ANKS1A: variants seen among roughly 807,000 people sequenced by gnomAD.
ANKS1A encodes the protein ankyrin repeat and SAM domain-containing protein 1A.
A neutral mutation model predicts 120.3 loss-of-function variants in ANKS1A; 55 were observed. The observed-to-expected ratio is 0.46, with a 90% CI of 0.37 to 0.57. ANKS1A has a LOEUF of 0.57. Among genes scored for constraint, ANKS1A ranks in the 20% least tolerant of loss-of-function variants. The probability of loss-of-function intolerance (pLI) is 0.00; values close to 1 mark genes in which losing one functional copy is unlikely to be tolerated. For missense variants in ANKS1A, 1,123 were observed against 1,480.3 expected, an observed-to-expected ratio of 0.76 and a Z score of 3.96; for synonymous variants, 590 against 604.7, an observed-to-expected ratio of 0.98 and a Z score of 0.36.
At chr6:35,080,916 C>A in intron 16 of ANKS1A, 78 bp from the exon 17 acceptor site, 1 of 1,542,394 alleles carries the variant, frequency 6.5e-7, no homozygotes, top group South Asian at 1.2e-5. Context: ...GCCGTCCTAA[C>A]CAGTGGGGCT....
At chr6:35,073,195 G>A (rs1264115191) in intron 13 of ANKS1A, among the ~76,000 whole-genome samples, 8 of 152,188 alleles carry the variant, frequency 5.3e-5, no homozygotes, top group Non-Finnish European at 1.2e-4. Flanking sequence ...CAGGCCACAC[G>A]TCACACGTCA....
intron 1 of ANKS1A, among the ~76,000 whole-genome samples, chr6:34,945,201 G>A (rs941648046): frequency 1.3e-5 from 2 of 151,918 alleles, no homozygotes; most frequent in African/African-American, 2.4e-5. Context: ...TCAGCCTCCC[G>A]AGTAGCTGGG....
chr6:34,938,760 C>T (rs2127480848), intron 1 of ANKS1A, among the ~76,000 whole-genome samples: 1 of 152,250 alleles, frequency 6.6e-6, no homozygotes, highest in East Asian at 1.9e-4. Flanking sequence ...GAGGCCAAGG[C>T]AGGTGGATCA....
In ANKS1A at chr6:35,084,146, G is replaced by A. The variant is rs369787709; in HGVS notation, c.3020G>A (p.Arg1007Gln). ...NKNVIAEHEI[R>Q]NISCAAQDPE... ...AACGTCATTGCAGAGCACGAGATCCGGAACATTTCCTGTGCGGCCCAGGAC... is the reference window on the plus strand; with the variant it reads ...AACGTCATTGCAGAGCACGAGATCCAGAACATTTCCTGTGCGGCCCAGGAC... Residue 1007 changes from arginine (R) to glutamine (Q), a missense_variant, in exon 21 of 24, where the codon CGG becomes CAG. Arg to Gln is a conservative substitution (Grantham distance 43). Around this residue, in one of 3 missense-constraint regions of ANKS1A, gnomAD observed 904 missense variants for 1,130.4 expected, o/e 0.80. Transcript: ENST00000360359. This position sits in a 1 kb window ranked among gnomAD's most constrained non-coding sequence, Gnocchi z 4.8. 8.6e-5 allele frequency: 139 copies of A among 1,614,166 alleles called. No individual in the cohort carries two copies. The highest frequency in any genetic ancestry group is 1.0e-4 in the Non-Finnish European group (118 of 1,180,020).
Position 34,969,924 on chromosome 6 carries a change from G to A in ANKS1A, c.279-86G>A, listed in dbSNP as rs1561879102. 7 of 1,474,918 alleles carry A rather than the reference G, an allele frequency of 4.7e-6. No homozygotes were observed. The East Asian group carries it at 1.6e-4, about 34-fold the overall frequency. 91.4% of individuals were successfully genotyped at this position (1,474,918 alleles called of 1,614,324 possible). A position where few individuals can be genotyped will look rare whatever the true frequency, so the allele number is the denominator to read the frequency against. ...GGAGCCAAATGAGATATCTGTGAAA[G>A]GGCTTTGTGCCATATAGGTGTAAAG... On this transcript the variant is annotated intron_variant, in intron 2 of 23. Transcript: ENST00000360359.
At chr6:34,986,343 G>T (rs1156862514) in intron 8 of ANKS1A, among the ~76,000 whole-genome samples, 1 of 152,202 alleles carries the variant, frequency 6.6e-6, no homozygotes, top group Non-Finnish European at 1.5e-5. Context: ...CTAGGGTTAT[G>T]TTGGGAGTGT....
rs1352912060 is a variant in ANKS1A, at chr6:35,085,176, C to T, written c.3133-590C>T. On this transcript the variant is annotated intron_variant, in intron 21 of 23. Coordinates refer to ENST00000360359, the MANE Select transcript of ANKS1A (RefSeq NM_015245.3). The surrounding 1 kb of genome is among the most constrained non-coding windows in gnomAD (Gnocchi z 4.7). ...GAAACATCGCATCTGCCTGCTTCCT[C>T]ATCTGTCTGGAGGGGATATAATGTG... Among the ~76,000 whole-genome samples, 1 of 152,160 alleles carries T rather than the reference C, an allele frequency of 6.6e-6. No homozygotes were observed. Among genetic ancestry groups the T allele is most frequent in the African/African-American group, 2.4e-5 (1 of 41,430 alleles).
intron 1 of ANKS1A, among the ~76,000 whole-genome samples, chr6:34,903,325 G>A (rs1337895598): frequency 1.3e-5 from 2 of 151,900 alleles, no homozygotes; most frequent in Non-Finnish European, 2.9e-5. Context: ...CTCTTTAACA[G>A]GCAAATCATC....
intron 1 of ANKS1A, among the ~76,000 whole-genome samples, chr6:34,921,076 T>C (rs1299924959): frequency 2.0e-5 from 3 of 152,152 alleles, no homozygotes; most frequent in Non-Finnish European, 4.4e-5. Flanking sequence ...ACAATAAGCA[T>C]TGGAACTTTG....
chr6:34,926,659 ATTT>A (rs1165000655), intron 1 of ANKS1A, among the ~76,000 whole-genome samples: 12 of 152,160 alleles, frequency 7.9e-5, no homozygotes, highest in Admixed American at 6.5e-5. Context: ...GGTAGATGTT[ATTT>A]AAAAGGTGCA....
chr6:35,091,111 G>T lies in ANKS1A; in HGVS notation c.*2502G>T, dbSNP rs755552863. 1.0e-6 allele frequency: 1 copy of T among 985,788 alleles called. No individual in the cohort carries two copies. Among genetic ancestry groups the T allele is most frequent in the African/African-American group, 1.7e-5 (1 of 57,242 alleles). The allele number at this position is 985,788 out of a possible 1,614,324, so 61.1% of individuals were successfully genotyped here. On this transcript the variant is annotated 3_prime_UTR_variant, in exon 24 of 24. Transcript: ENST00000360359. The stretch of plus-strand genomic sequence containing the variant: ...TCAGAAGTATTGTTGCTCATGGTGT[G>T]GCAATGGACTGAACTGTAATGAAAA...
At chr6:35,014,545 T>C (rs1451600034) in intron 10 of ANKS1A, among the ~76,000 whole-genome samples, 2 of 152,234 alleles carry the variant, frequency 1.3e-5, no homozygotes, top group Non-Finnish European at 2.9e-5. Context: ...TGGGTGGCTG[T>C]TTCACAGGGC....
chr6:35,039,086 GTGT>G (rs1775322598), intron 11 of ANKS1A, among the ~76,000 whole-genome samples: 1 of 29,022 alleles, frequency 3.4e-5, no homozygotes, highest in Non-Finnish European at 2.2e-4. Context: ...ATGTGTGTGT[GTGT>G]GTGGGGGGGG....
In ANKS1A at chr6:34,978,244, C is replaced by A. The variant is rs78709182; in HGVS notation, c.436-3446C>A. 2.9e-4 allele frequency among the ~76,000 whole-genome samples: 44 copies of A among 152,254 alleles called. No individual in the cohort carries two copies. In the East Asian group the frequency reaches 7.9e-3, roughly 27 times the overall value. ...CTGCTGGAATTACAGGCATAAGCCA[C>A]CGCACCCAGCCAGAAGTGGGTCTTA... On this transcript the variant is annotated intron_variant, in intron 3 of 23. Transcript: ENST00000360359.
chr6:35,096,649 G>A, the ANKS1A span, among the ~76,000 whole-genome samples: 2 of 152,196 alleles, frequency 1.3e-5, no homozygotes, highest in African/African-American at 4.8e-5. Context: ...TAAAAGCCAT[G>A]AGGGCAGTTG....
chr6:35,047,549 C>T (rs1263105406), intron 11 of ANKS1A, among the ~76,000 whole-genome samples: 2 of 152,178 alleles, frequency 1.3e-5, no homozygotes, highest in South Asian at 2.1e-4. Context: ...CCTCCTCACC[C>T]CTCCCCACCA....
intron 10 of ANKS1A, among the ~76,000 whole-genome samples, chr6:35,008,745 G>T (rs1376987817): frequency 6.6e-6 from 1 of 152,202 alleles, no homozygotes; most frequent in Non-Finnish European, 1.5e-5. Context: ...GTAACTGAAA[G>T]ATGACAGAAT....
chr6:34,941,734 C>T (rs181405356), intron 1 of ANKS1A, among the ~76,000 whole-genome samples: 3 of 152,320 alleles, frequency 2.0e-5, no homozygotes, highest in African/African-American at 2.4e-5. Flanking sequence ...GGATAACTTT[C>T]GTCATTCCTT....
chr6:35,073,603 A>T (rs1457071156), intron 13 of ANKS1A, among the ~76,000 whole-genome samples: 3 of 152,218 alleles, frequency 2.0e-5, no homozygotes, highest in Non-Finnish European at 2.9e-5. Flanking sequence ...TGTCACTTGG[A>T]GTTGTGAAGC....
Sources: allele counts gnomAD v4.1 joint callset (sites outside exome capture counted in the v4.1 genomes callset), GRCh38; gene constraint gnomAD v4.1.1; regional missense constraint gnomAD v4.1.1; non-coding constraint Gnocchi (gnomAD v3.1); transcripts MANE v1.5; gene names NCBI Gene and HGNC (gene_info 2026-07-23, HGNC 2026-07-21).